Variants in EPS15 observed in about 807,000 individuals in gnomAD.
EPS15 encodes the protein epidermal growth factor receptor substrate 15.
In EPS15, 72 loss-of-function variants were observed where a neutral mutation model predicts 113.8. That is an observed-to-expected ratio of 0.63 (90% confidence interval 0.52 to 0.77). The LOEUF (loss-of-function observed/expected upper bound fraction) is 0.77, where lower values mean the gene tolerates loss of function less well. EPS15 is among the 30% of genes least tolerant of loss of function. The pLI is 0.00. For synonymous variants in EPS15, 344 were observed against 363.4 expected (o/e 0.95, Z 0.61); for missense variants, 1,048 against 1,045.8 (o/e 1.00, Z -0.03).
At chr1:51,519,118 G>C (rs1047889924) in intron 1 of EPS15, 81 bp downstream of exon 1, 101 of 1,010,068 alleles carry the variant, frequency 1.0e-4, no homozygotes, top group Middle Eastern at 2.4e-4. Flanking sequence ...TGGCCCACAA[G>C]CCAAGAAGTC....
At chr1:51,493,072 A>C (rs901934808) in intron 1 of EPS15, among the ~76,000 whole-genome samples, 1 of 151,944 alleles carries the variant, frequency 6.6e-6, no homozygotes, top group Non-Finnish European at 1.5e-5. Context: ...CTAAAAATAC[A>C]AAAAAAAGGC....
intron 1 of EPS15, among the ~76,000 whole-genome samples, chr1:51,514,189 T>C (rs2148570010): frequency 6.6e-6 from 1 of 152,266 alleles, no homozygotes; most frequent in South Asian, 2.1e-4. Context: ...ACCTAATAAA[T>C]ATAATTAATG....
At chr1:51,407,354 T>A (rs1305792109) in intron 15 of EPS15, among the ~76,000 whole-genome samples, 1 of 152,092 alleles carries the variant, frequency 6.6e-6, no homozygotes, top group Non-Finnish European at 1.5e-5. Context: ...GGTACCACCA[T>A]GCCCAGTTAA....
At chr1:51,490,749 A>G (rs890370424) in intron 1 of EPS15, among the ~76,000 whole-genome samples, 3 of 152,170 alleles carry the variant, frequency 2.0e-5, no homozygotes, top group Non-Finnish European at 4.4e-5. Context: ...TCTTTGTGAC[A>G]GAGCAAGTCT....
rs749846074 is a variant in EPS15 at position 51,399,035 on chromosome 1, T to A, written c.2049A>T (p.Thr683=). 1.2e-6 allele frequency: 2 copies of A among 1,612,614 alleles called. No homozygotes were observed. Among genetic ancestry groups the A allele is most frequent in the Non-Finnish European group, 1.7e-6 (2 of 1,179,406 alleles). ...PFSAANNSSI[T]SVETLKHNDP... ...AGTTTTTAATTCTCCCACTTACCGATGTAATACTGCTATTGTTGGCTGCAC... is the reference window on the plus strand; with the variant it reads ...AGTTTTTAATTCTCCCACTTACCGAAGTAATACTGCTATTGTTGGCTGCAC... The change falls in exon 20 of 25, where the codon ACA becomes ACT. Residue 683 remains threonine, a synonymous_variant. Transcript: ENST00000371733.
At chr1:51,491,105 G>A (rs1034626234) in intron 1 of EPS15, among the ~76,000 whole-genome samples, 3 of 152,168 alleles carry the variant, frequency 2.0e-5, no homozygotes, top group Non-Finnish European at 4.4e-5. Flanking sequence ...GTAGTAAAAG[G>A]AAGACAATGG....
At chr1:51,465,202 G>T in intron 6 of EPS15, 59 bp downstream of exon 6, 1 of 1,031,754 alleles carries the variant, frequency 9.7e-7, no homozygotes, top group Non-Finnish European at 1.5e-6. Flanking sequence ...TTCAGAGGTA[G>T]AGAGAGAGTA....
At chr1:51,495,347 A>T (rs1298065663) in intron 1 of EPS15, among the ~76,000 whole-genome samples, 2 of 150,870 alleles carry the variant, frequency 1.3e-5, no homozygotes, top group East Asian at 1.9e-4. Flanking sequence ...ATTTATTTTT[A>T]TTTTTATTTT....
intron 1 of EPS15, among the ~76,000 whole-genome samples, chr1:51,493,579 A>T (rs534829309): frequency 3.3e-3 from 463 of 140,996 alleles, no homozygotes; most frequent in South Asian, 0.011. Context: ...TAAATAAATA[A>T]AAATAAAGCT....
At chr1:51,424,621 A>G (rs1218560929) in intron 12 of EPS15, among the ~76,000 whole-genome samples, 1 of 152,136 alleles carries the variant, frequency 6.6e-6, no homozygotes, top group Non-Finnish European at 1.5e-5. Context: ...TAGGTGTGTG[A>G]GGCTGGGTGT....
chr1:51,453,974 T>C (rs1403241506), intron 8 of EPS15, among the ~76,000 whole-genome samples: 1 of 142,566 alleles, frequency 7.0e-6, no homozygotes, highest in Non-Finnish European at 1.5e-5. Flanking sequence ...TGTTTGAACC[T>C]AGCAGGTGGA....
chr1:51,489,301 ATATATGTATG>A (rs1022703495), intron 1 of EPS15, among the ~76,000 whole-genome samples: 2 of 140,966 alleles, frequency 1.4e-5, no homozygotes, highest in Admixed American at 6.9e-5. Flanking sequence ...ATATATATAT[ATATATGTATG>A]TATGTATGTA....
intron 1 of EPS15, among the ~76,000 whole-genome samples, chr1:51,496,484 T>TA (rs1343935427): frequency 2.0e-5 from 3 of 152,198 alleles, no homozygotes; most frequent in Non-Finnish European, 2.9e-5. Flanking sequence ...ATAGATAATT[T>TA]AAAAGCATAC....
chr1:51,506,174 AC>A (rs1644496226), intron 1 of EPS15, among the ~76,000 whole-genome samples: 1 of 152,240 alleles, frequency 6.6e-6, no homozygotes, highest in African/African-American at 2.4e-5. Flanking sequence ...GGCGTCAGCC[AC>A]CGTGCCCAGC....
Position 51,465,299 on chromosome 1 carries a change from T to A in EPS15, c.337A>T (p.Ser113Cys), listed in dbSNP as rs999170512. Residue 113 changes from serine (S) to cysteine (C), a missense_variant, in exon 6 of 25, where the codon AGT (serine) becomes TGT (cysteine). Ser to Cys is a moderately radical substitution (Grantham distance 112). Coordinates refer to ENST00000371733, the MANE Select transcript of EPS15 (RefSeq NM_001981.3). Reference sequence around the variant, plus strand: ...GGGAGCTCAGCTGCAGAGGTTCCACTGATTAGCAAAGGACTACTGGTATCA... The same window carrying A: ...GGGAGCTCAGCTGCAGAGGTTCCACAGATTAGCAAAGGACTACTGGTATCA... Reference protein sequence around the residue: ...FHDTSSPLLISGTSAAELPWA... With the variant: ...FHDTSSPLLICGTSAAELPWA... The A allele has an allele frequency of 6.2e-7, 1 of 1,611,528 alleles. No individual in the cohort carries two copies. The highest frequency in any genetic ancestry group is 1.3e-5 in the African/African-American group (1 of 74,864).
At position 51,356,289 on chromosome 1, in the gene EPS15, G is replaced by T. The variant is rs982658494; in HGVS notation, c.*411C>A. 4.4e-6 allele frequency: 1 copy of T among 227,194 alleles called. No homozygotes were observed. Among genetic ancestry groups the T allele is most frequent in the Non-Finnish European group, 8.7e-6 (1 of 114,582 alleles). The allele number at this position is 227,194 out of a possible 1,614,324, so 14.1% of individuals were successfully genotyped here. A position where few individuals can be genotyped will look rare whatever the true frequency, so the allele number is the denominator to read the frequency against. The stretch of plus-strand genomic sequence containing the variant: ...ACCCTCACTCAACCATTCCAATCAG[G>T]GGAGAATACTGCAAACTTTAAGAAC... On this transcript the variant is annotated 3_prime_UTR_variant, in exon 25 of 25. Transcript: ENST00000371733.
chr1:51,478,232 C>A (rs552876164), intron 2 of EPS15, among the ~76,000 whole-genome samples: 2 of 152,116 alleles, frequency 1.3e-5, no homozygotes, highest in Non-Finnish European at 2.9e-5. Flanking sequence ...CTCTTTTGAT[C>A]TTTGTTGGTT....
chr1:51,373,231 A>G (rs1570113112), intron 21 of EPS15: 1 of 154,012 alleles, frequency 6.5e-6, no homozygotes. Context: ...AAAGTTAAAG[A>G]TGCAGCTTTT....
intron 21 of EPS15, among the ~76,000 whole-genome samples, chr1:51,386,715 A>G (rs915458444): frequency 1.2e-4 from 18 of 152,246 alleles, no homozygotes; most frequent in African/African-American, 4.3e-4. Context: ...AAGAAAGGGT[A>G]TCAGTGATGG....
Sources: allele counts gnomAD v4.1 joint callset (sites outside exome capture counted in the v4.1 genomes callset), GRCh38; gene constraint gnomAD v4.1.1; transcripts MANE v1.5; gene names NCBI Gene and HGNC (gene_info 2026-07-23, HGNC 2026-07-21).